Variants in RBFOX1 observed in about 807,000 individuals in gnomAD.
RBFOX1 encodes the protein RNA binding protein fox-1 homolog 1.
RBFOX1 carries 8 observed loss-of-function variants against 57.7 expected under a neutral mutation model. The ratio of observed to expected loss-of-function variants is 0.14; its 90% CI spans 0.08 to 0.25. RBFOX1 has a LOEUF of 0.25. Ranked by LOEUF, RBFOX1 falls within the 10% of genes least tolerant of loss-of-function variation. The pLI, the probability that RBFOX1 is intolerant of heterozygous loss-of-function variation, is 1.00. For missense variants in RBFOX1, 611 were observed against 548.5 expected (o/e 1.11, Z -1.14); for synonymous variants, 326 against 222.4 (o/e 1.47, Z -4.15).
At chr16:5,400,078 CTTTTCTT>C (rs1161655599) in intron 1 of RBFOX1, among the ~76,000 whole-genome samples, 1 of 151,830 alleles carries the variant, frequency 6.6e-6, no homozygotes, top group East Asian at 1.9e-4. Flanking sequence ...TTCTTCTTTC[CTTTTCTT>C]TTTTCTTTTC....
At chr16:6,738,681 A>G (rs1010478364) in intron 3 of RBFOX1, among the ~76,000 whole-genome samples, 1 of 152,186 alleles carries the variant, frequency 6.6e-6, no homozygotes, top group African/African-American at 2.4e-5. Context: ...AGAGCAGAAT[A>G]CACATTCTTT....
intron 1 of RBFOX1, among the ~76,000 whole-genome samples, chr16:6,249,573 T>G (rs8057108): frequency 0.13 from 19,519 of 151,878 alleles, 1,364 homozygotes; most frequent in Middle Eastern, 0.3. Flanking sequence ...GACTGGTATT[T>G]TAGAGGACCT....
intron 5 of RBFOX1, among the ~76,000 whole-genome samples, chr16:7,521,767 G>A (rs553208705): frequency 2.4e-4 from 37 of 152,318 alleles, no homozygotes; most frequent in Non-Finnish European, 4.7e-4. Flanking sequence ...ACCTTTCAGA[G>A]ACTTCTGGTT....
rs189878918 is a variant in RBFOX1, at chr16:6,573,568, T to G, written c.-63-81035T>G. Among the ~76,000 whole-genome samples, 558 of 152,270 alleles carry G rather than the reference T, an allele frequency of 3.7e-3. 3 individuals are homozygous for G. Among genetic ancestry groups the G allele is most frequent in the Middle Eastern group, 6.8e-3 (2 of 294 alleles). On this transcript the variant is annotated intron_variant, in intron 2 of 15. Coordinates refer to ENST00000550418, the MANE Select transcript of RBFOX1 (RefSeq NM_018723.4). ...ATCTCCCCATCCATCTTATTTTGAT[T>G]TTACACATAGTGCGATTTTGAAAGG...
At chr16:6,345,947 A>C (rs776305770) in intron 2 of RBFOX1, among the ~76,000 whole-genome samples, 2 of 152,182 alleles carry the variant, frequency 1.3e-5, no homozygotes, top group East Asian at 3.9e-4. Flanking sequence ...AAACAAAGGC[A>C]GGAAGACTCA....
At chr16:7,168,347 GAT>G (rs2152436566) in intron 4 of RBFOX1, among the ~76,000 whole-genome samples, 1 of 152,248 alleles carries the variant, frequency 6.6e-6, no homozygotes, top group African/African-American at 2.4e-5. Context: ...AACCTTGTCT[GAT>G]ATGTGCTAGG....
intron 2 of RBFOX1, among the ~76,000 whole-genome samples, chr16:6,321,028 A>T (rs1485539057): frequency 3.3e-5 from 5 of 152,196 alleles, no homozygotes; most frequent in African/African-American, 4.8e-5. Flanking sequence ...TCCTGACCTC[A>T]GGTGATCCTC....
intron 4 of RBFOX1, among the ~76,000 whole-genome samples, chr16:7,336,715 C>T (rs900302289): frequency 6.6e-6 from 1 of 152,164 alleles, no homozygotes. Flanking sequence ...TTTAGGATCT[C>T]AATTTATTTT....
At chr16:5,391,369 G>T (rs1396641716) in intron 1 of RBFOX1, among the ~76,000 whole-genome samples, 1 of 152,048 alleles carries the variant, frequency 6.6e-6, no homozygotes, top group African/African-American at 2.4e-5. Context: ...TTTCATCTTT[G>T]AGAGGCTGCC....
In RBFOX1 at chr16:6,094,833, G is replaced by A. The variant is rs1025595851; in HGVS notation, c.-127+74841G>A. Among the ~76,000 whole-genome samples, 4 of 152,236 alleles carry A rather than the reference G, an allele frequency of 2.6e-5. 1 individual carries two copies. Among genetic ancestry groups the A allele is most frequent in the South Asian group, 4.1e-4 (2 of 4,828 alleles). On this transcript the variant is annotated intron_variant, in intron 1 of 15. Coordinates refer to ENST00000550418, the MANE Select transcript of RBFOX1 (RefSeq NM_018723.4). ...AATCCCAACACCTTGGGAGGCTGAG[G>A]CGGATCACCTGAGGTCATAAGTTTG...
chr16:6,630,780 T>G (rs931164277), intron 2 of RBFOX1, among the ~76,000 whole-genome samples: 1 of 152,156 alleles, frequency 6.6e-6, no homozygotes, highest in African/African-American at 2.4e-5. Context: ...AAATTGTAGT[T>G]GACCTATGTT....
At chr16:7,110,403 G>C (rs1424000799) in intron 4 of RBFOX1, among the ~76,000 whole-genome samples, 3 of 108,548 alleles carry the variant, frequency 2.8e-5, no homozygotes, top group African/African-American at 8.5e-5. Context: ...ACTACATTGA[G>C]GGGTTGAAAG....
chr16:6,394,494 A>C (rs1339474721), intron 2 of RBFOX1, among the ~76,000 whole-genome samples: 1 of 130,862 alleles, frequency 7.6e-6, no homozygotes, highest in East Asian at 2.4e-4. Context: ...CCAGAATAGC[A>C]GTGGGAAAAT....
At chr16:7,626,855 A>G (rs2060149162) in intron 10 of RBFOX1, among the ~76,000 whole-genome samples, 1 of 152,226 alleles carries the variant, frequency 6.6e-6, no homozygotes, top group Non-Finnish European at 1.5e-5. Flanking sequence ...ATATGCATTA[A>G]TCCTTCTGAG....
intron 3 of RBFOX1, among the ~76,000 whole-genome samples, chr16:6,816,565 C>T (rs139880276): frequency 6.6e-6 from 1 of 151,520 alleles, no homozygotes; most frequent in Non-Finnish European, 1.5e-5. Context: ...CACAGTGAAA[C>T]CCCGTCTCTA....
intron 2 of RBFOX1, among the ~76,000 whole-genome samples, chr16:6,606,580 T>C (rs921664261): frequency 1.5e-4 from 23 of 152,168 alleles, no homozygotes; most frequent in Non-Finnish European, 7.3e-5. Context: ...TGTGTTCTCA[T>C]TGTTCAGCTC....
rs145822824 is a variant in RBFOX1, at chr16:6,568,410, T to C, written c.-63-86193T>C. Among the ~76,000 whole-genome samples, 717 of 152,176 alleles carry C rather than the reference T, an allele frequency of 4.7e-3. 8 individuals are homozygous for C. Among genetic ancestry groups the C allele is most frequent in the African/African-American group, 0.016 (675 of 41,512 alleles). On this transcript the variant is annotated intron_variant, in intron 2 of 15. Transcript: ENST00000550418. ...ACATGGCGGATGGCTCTCTACCAAA[T>C]TGAGTTATGAGACAGAGAAAGCGGG... is the stretch of plus-strand genomic sequence containing the variant.
At chr16:6,856,100 CCCTTCCCTTT>C (rs2057839439) in intron 3 of RBFOX1, among the ~76,000 whole-genome samples, 2 of 151,226 alleles carry the variant, frequency 1.3e-5, no homozygotes, top group African/African-American at 2.4e-5. Context: ...CCCTTCCCTT[CCCTTCCCTTT>C]CTTCCCTTTC....
intron 3 of RBFOX1, among the ~76,000 whole-genome samples, chr16:6,919,673 C>G (rs915752482): frequency 3.3e-5 from 5 of 151,624 alleles, no homozygotes; most frequent in Non-Finnish European, 7.4e-5. Context: ...AGATTGAATC[C>G]AGATCCATAA....
Sources: allele counts gnomAD v4.1 joint callset (sites outside exome capture counted in the v4.1 genomes callset), GRCh38; gene constraint gnomAD v4.1.1; transcripts MANE v1.5; gene names NCBI Gene and HGNC (gene_info 2026-07-23, HGNC 2026-07-21).